The following PACSIN2 variants were observed in gnomAD, a reference collection of about 807,000 sequenced individuals.
PACSIN2 encodes protein kinase C and casein kinase substrate in neurons 2.
PACSIN2 carries 25 observed loss-of-function variants against 63.8 expected under a neutral mutation model. The ratio of observed to expected loss-of-function variants is 0.39; its 90% CI spans 0.29 to 0.55. The LOEUF is 0.55. PACSIN2 is among the 20% of genes least tolerant of loss of function. The pLI, the probability that PACSIN2 is intolerant of heterozygous loss-of-function variation, is 0.62. For missense variants in PACSIN2, 518 were observed against 646.9 expected (o/e 0.80, Z 2.16); for synonymous variants, 255 against 256.2 (o/e 1.00, Z 0.05).
At chr22:42,936,921 G>GC (rs1484011173) in intron 1 of PACSIN2, among the ~76,000 whole-genome samples, 1 of 149,916 alleles carries the variant, frequency 6.7e-6, no homozygotes, top group Non-Finnish European at 1.5e-5. Context: ...AAAAAAAGGG[G>GC]GGGGGGCAGG....
At chr22:42,972,071 G>GA (rs1235324049) in intron 1 of PACSIN2, among the ~76,000 whole-genome samples, 1 of 152,194 alleles carries the variant, frequency 6.6e-6, no homozygotes, top group African/African-American at 2.4e-5. Flanking sequence ...ATGGGGGGGG[G>GA]AAATGTGGGG....
At chr22:42,922,000 A>G (rs193270716) in intron 1 of PACSIN2, among the ~76,000 whole-genome samples, 159 of 152,282 alleles carry the variant, frequency 1.0e-3, no homozygotes, top group South Asian at 2.5e-3. Context: ...CAGCCTCCCA[A>G]AGTGCTGGGA....
chr22:42,965,273 C>A (rs948707090), intron 1 of PACSIN2, among the ~76,000 whole-genome samples: 1 of 152,082 alleles, frequency 6.6e-6, no homozygotes, highest in African/African-American at 2.4e-5. Flanking sequence ...GGCCAGGGGG[C>A]AGGGTGGGGG....
chr22:42,960,347 A>G (rs1474350789), intron 1 of PACSIN2, among the ~76,000 whole-genome samples: 3 of 152,162 alleles, frequency 2.0e-5, no homozygotes, highest in Non-Finnish European at 4.4e-5. Flanking sequence ...GTGACTACAC[A>G]CAACAAGGCA....
Position 42,871,570 on chromosome 22 carries a change from C to T in PACSIN2, c.1349-101G>A. On this transcript the variant is annotated intron_variant, in intron 10 of 10. Coordinates refer to ENST00000263246, the MANE Select transcript of PACSIN2 (RefSeq NM_001184970.3). This position sits in a 1 kb window ranked among gnomAD's most constrained non-coding sequence, Gnocchi z 5.4. Reference sequence around the variant, plus strand: ...TTTGAGCCCACAGAGGGTGGAGGGCCAGGCATTCTGTGGCGGGCAGGCCGA... The same window carrying T: ...TTTGAGCCCACAGAGGGTGGAGGGCTAGGCATTCTGTGGCGGGCAGGCCGA... 1.1e-6 allele frequency: 1 copy of T among 918,220 alleles called. No homozygotes were observed. The highest frequency in any genetic ancestry group is 1.3e-5 in the South Asian group (1 of 75,616). 56.9% of individuals were successfully genotyped at this position (918,220 alleles called of 1,614,324 possible).
chr22:42,869,922 A>G lies in PACSIN2; in HGVS notation c.*1435T>C, dbSNP rs1927957694. On this transcript the variant is annotated 3_prime_UTR_variant, in exon 11 of 11. Transcript: ENST00000263246. ...GTAAGTTCTCAGGACAGACACAGAC[A>G]CAGGTCCACTTTCCAAGCAAGACAT... The G allele has an allele frequency of 1.3e-5, 2 of 152,484 alleles. No individual in the cohort carries two copies. Among genetic ancestry groups the G allele is most frequent in the Non-Finnish European group, 2.9e-5 (2 of 68,050 alleles). The allele number at this position is 152,484 out of a possible 1,614,324, so 9.4% of individuals were successfully genotyped here. A position where few individuals can be genotyped will look rare whatever the true frequency, so the allele number is the denominator to read the frequency against.
intron 1 of PACSIN2, among the ~76,000 whole-genome samples, chr22:42,916,366 A>G (rs2146732325): frequency 8.3e-6 from 1 of 121,038 alleles, no homozygotes; most frequent in South Asian, 2.8e-4. Flanking sequence ...CAATCTGGGA[A>G]CTCATTTCTG....
chr22:42,901,223 G>A (rs1930662388), intron 2 of PACSIN2, among the ~76,000 whole-genome samples: 1 of 152,152 alleles, frequency 6.6e-6, no homozygotes, highest in African/African-American at 2.4e-5. Flanking sequence ...CTACAGAAGA[G>A]CTCCTGGCGT....
At chr22:42,989,216 G>A (rs1019053269) in intron 1 of PACSIN2, among the ~76,000 whole-genome samples, 1 of 152,128 alleles carries the variant, frequency 6.6e-6, no homozygotes, top group South Asian at 2.1e-4. Flanking sequence ...CTCAATTCTC[G>A]GCCGGGCGCA....
chr22:42,891,208 T>A, intron 3 of PACSIN2, 26 bp from the exon 4 acceptor site: 2 of 1,537,748 alleles, frequency 1.3e-6, no homozygotes, highest in Non-Finnish European at 1.8e-6. Context: ...AAGCTGCGGG[T>A]CACTCAGCGC....
chr22:42,971,905 C>T (rs1428041054), intron 1 of PACSIN2, among the ~76,000 whole-genome samples: 1 of 151,474 alleles, frequency 6.6e-6, no homozygotes, highest in Non-Finnish European at 1.5e-5. Context: ...GCAGCCTCCA[C>T]CCGGCCGCCG....
At chr22:42,947,143 T>A (rs552195988) in intron 1 of PACSIN2, 7 of 152,126 alleles carry the variant, frequency 4.6e-5, no homozygotes, top group Non-Finnish European at 1.0e-4. Context: ...TCTCCTGGCA[T>A]AAATAGAAGG....
rs182681326 is a variant in PACSIN2 at position 42,938,361 on chromosome 22, G to A, written c.-77-26204C>T. On this transcript the variant is annotated intron_variant, in intron 1 of 10. Coordinates refer to ENST00000263246, the MANE Select transcript of PACSIN2 (RefSeq NM_001184970.3). ...TTAAAATTGGCCTGAAGAAGAAAGGGAAGCCCCTGATGCAGAAACTGCATA... is the reference window on the plus strand; with the variant it reads ...TTAAAATTGGCCTGAAGAAGAAAGGAAAGCCCCTGATGCAGAAACTGCATA... 3.9e-3 allele frequency among the ~76,000 whole-genome samples: 597 copies of A among 152,328 alleles called. 4 individuals are homozygous for A. The highest frequency in any genetic ancestry group is 0.014 in the African/African-American group (578 of 41,560).
At position 42,901,514 on chromosome 22, in the gene PACSIN2, T is replaced by C. The variant is rs113671089; in HGVS notation, c.61-7901A>G. Among the ~76,000 whole-genome samples, 6 of 152,342 alleles carry C rather than the reference T, an allele frequency of 3.9e-5. 1 individual carries two copies. The highest frequency in any genetic ancestry group is 1.2e-4 in the African/African-American group (5 of 41,580). ...GCACAGATCTGGCCCTGCCCCAAAA[T>C]GTGTAACTTTGTACAAGTCCCTCTC... On this transcript the variant is annotated intron_variant, in intron 2 of 10. Coordinates refer to ENST00000263246, the MANE Select transcript of PACSIN2 (RefSeq NM_001184970.3).
chr22:42,909,387 A>G (rs1931298570), intron 2 of PACSIN2: 1 of 372,936 alleles, frequency 2.7e-6, no homozygotes, highest in Non-Finnish European at 5.5e-6. Flanking sequence ...CTTTCTTTGG[A>G]AAAGTGTCCT....
intron 1 of PACSIN2, among the ~76,000 whole-genome samples, chr22:42,965,169 C>A (rs1601586608): frequency 1.3e-5 from 2 of 152,286 alleles, no homozygotes; most frequent in Admixed American, 1.3e-4. Flanking sequence ...AGCAAAGCAG[C>A]CAGATGCAAA....
At chr22:42,887,898 T>C (rs1436967611) in intron 5 of PACSIN2, among the ~76,000 whole-genome samples, 1 of 152,152 alleles carries the variant, frequency 6.6e-6, no homozygotes, top group Non-Finnish European at 1.5e-5. Flanking sequence ...GGTCTCTCCT[T>C]GGCCAAAGAC....
At chr22:42,987,601 G>C (rs1055337800) in intron 1 of PACSIN2, among the ~76,000 whole-genome samples, 1 of 143,062 alleles carries the variant, frequency 7.0e-6, no homozygotes, top group Non-Finnish European at 1.5e-5. Flanking sequence ...GTGCAATCTC[G>C]GCTCACTGCA....
chr22:42,871,212 C>G lies in PACSIN2; in HGVS notation c.*145G>C, dbSNP rs1928084997. 2 of 641,564 alleles carry G rather than the reference C, an allele frequency of 3.1e-6. No homozygotes were observed. Among genetic ancestry groups the G allele is most frequent in the Non-Finnish European group, 5.7e-6 (2 of 352,286 alleles). 39.7% of individuals were successfully genotyped at this position (641,564 alleles called of 1,614,324 possible). A position where few individuals can be genotyped will look rare whatever the true frequency, so the allele number is the denominator to read the frequency against. On this transcript the variant is annotated 3_prime_UTR_variant, in exon 11 of 11. Coordinates refer to ENST00000263246, the MANE Select transcript of PACSIN2 (RefSeq NM_001184970.3). The surrounding 1 kb of genome is among the most constrained non-coding windows in gnomAD (Gnocchi z 5.4). ...GGTGCCGAGTCCCAGGCGAAATGAC[C>G]AGCTCATCTGCCTTCCAGGAACACC...
Sources: gnomAD v4.1 joint callset for allele counts (sites outside exome capture counted in the v4.1 genomes callset) on GRCh38, gnomAD v4.1.1 for gene constraint, Gnocchi (gnomAD v3.1) non-coding constraint, MANE v1.5 for transcripts, NCBI Gene and HGNC (gene_info 2026-07-23, HGNC 2026-07-21) for gene names.